Variants in SHANK2 observed in about 807,000 individuals in gnomAD.
SHANK2 encodes SH3 and multiple ankyrin repeat domains protein 2.
A neutral mutation model predicts 133.7 loss-of-function variants in SHANK2; 43 were observed. That is an observed-to-expected ratio of 0.32 (90% confidence interval 0.25 to 0.41). The LOEUF (loss-of-function observed/expected upper bound fraction) is 0.41, where lower values mean the gene tolerates loss of function less well. SHANK2 is among the 10% of genes least tolerant of loss of function. SHANK2 has a pLI of 1.00. For synonymous variants in SHANK2, 1,017 were observed against 952.8 expected (o/e 1.07, Z -1.24); for missense variants, 1,994 against 2,235.8 (o/e 0.89, Z 2.18).
intron 3 of SHANK2, among the ~76,000 whole-genome samples, chr11:71,139,342 T>C (rs1952507958): frequency 8.6e-6 from 1 of 116,100 alleles, no homozygotes; most frequent in Admixed American, 1.1e-4. Flanking sequence ...TGGCATTCAC[T>C]GTGGATTAAA....
intron 14 of SHANK2, among the ~76,000 whole-genome samples, chr11:70,708,939 G>A (rs1276293800): frequency 2.0e-5 from 3 of 152,306 alleles, no homozygotes; most frequent in Admixed American, 2.0e-4. Flanking sequence ...GGCAGGGCGT[G>A]GTGGCTCACA....
In SHANK2 at chr11:71,175,552, G is replaced by A. The variant is rs1953419032; in HGVS notation, c.-12-28214C>T. On this transcript the variant is annotated intron_variant, in intron 2 of 25. Transcript: ENST00000601538. This position sits in a 1 kb window ranked among gnomAD's most constrained non-coding sequence, Gnocchi z 4.2. ...AGACAGACAGAGGGAGAGGGAGAGGGAGAGAGAGAGAGAGAGAGAGAGAGA... is the reference window on the plus strand; with the variant it reads ...AGACAGACAGAGGGAGAGGGAGAGGAAGAGAGAGAGAGAGAGAGAGAGAGA... Among the ~76,000 whole-genome samples the A allele has an allele frequency of 4.1e-5, 1 of 24,522 alleles. No individual in the cohort carries two copies. Among genetic ancestry groups the A allele is most frequent in the Non-Finnish European group, 6.6e-5 (1 of 15,056 alleles). The allele number at this position is 24,522 out of a possible 152,430, so 16.1% of individuals were successfully genotyped here. A position where few individuals can be genotyped will look rare whatever the true frequency, so the allele number is the denominator to read the frequency against.
chr11:71,162,167 A>G (rs183931918), intron 2 of SHANK2, among the ~76,000 whole-genome samples: 1 of 152,344 alleles, frequency 6.6e-6, no homozygotes. Context: ...ACAAGATACC[A>G]TAGGCTGGGT....
chr11:70,687,410 AAGCTGGCTCTTAGG>A (rs1172005339), intron 15 of SHANK2, among the ~76,000 whole-genome samples: 2 of 152,202 alleles, frequency 1.3e-5, no homozygotes, highest in African/African-American at 4.8e-5. Context: ...GGATGAGCCG[AAGCTGGCTCTTAGG>A]AGCTGCCAGG....
intron 18 of SHANK2, 60 bp downstream of exon 18, chr11:70,502,736 C>CGGGGGG: frequency 2.2e-6 from 1 of 462,548 alleles, no homozygotes; most frequent in Non-Finnish European, 3.3e-6. Flanking sequence ...GTCCTGCCCG[C>CGGGGGG]CCCCACCCCC....
chr11:70,806,015 G>A (rs1555051740), intron 13 of SHANK2, among the ~76,000 whole-genome samples: 1 of 152,250 alleles, frequency 6.6e-6, no homozygotes, highest in Non-Finnish European at 1.5e-5. Context: ...GAATGTTGCA[G>A]TAACCCAGGT....
At chr11:70,476,234 A>C (rs2058661994) in intron 25 of SHANK2, among the ~76,000 whole-genome samples, 1 of 152,026 alleles carries the variant, frequency 6.6e-6, no homozygotes, top group Non-Finnish European at 1.5e-5. Flanking sequence ...TCTCAAAAAC[A>C]ACAACAACAA....
rs572067301 is a variant in SHANK2, at chr11:71,165,831, G to A, written c.-12-18493C>T. On this transcript the variant is annotated intron_variant, in intron 2 of 25. Coordinates refer to ENST00000601538, the MANE Select transcript of SHANK2 (RefSeq NM_012309.5). ...CATCCTCGGGCCTCCCTCCTGGAAC[G>A]CTTCCCGGCTGATCTCACAGTCCAG... Among the ~76,000 whole-genome samples, 13 of 152,232 alleles carry A rather than the reference G, an allele frequency of 8.5e-5. No homozygotes were observed. In the East Asian group the frequency reaches 1.9e-3, roughly 23 times the overall value.
At chr11:70,654,251 C>T (rs924161148) in intron 17 of SHANK2, 3 of 152,160 alleles carry the variant, frequency 2.0e-5, no homozygotes, top group African/African-American at 2.4e-5. Context: ...GGAATGGCCC[C>T]GGGAAATTAA....
intron 14 of SHANK2, among the ~76,000 whole-genome samples, chr11:70,729,560 T>C (rs1438465885): frequency 6.6e-6 from 1 of 150,740 alleles, no homozygotes; most frequent in Non-Finnish European, 1.5e-5. Flanking sequence ...AGTCTCACTC[T>C]GTTGCCCAGG....
chr11:70,745,642 G>A (rs371845719), intron 14 of SHANK2, among the ~76,000 whole-genome samples: 3 of 152,194 alleles, frequency 2.0e-5, no homozygotes, highest in East Asian at 3.9e-4. Flanking sequence ...CGTGGGTCTC[G>A]TGTAGAGTAA....
chr11:70,815,561 A>C (rs1948375590), intron 12 of SHANK2, among the ~76,000 whole-genome samples: 1 of 152,128 alleles, frequency 6.6e-6, no homozygotes, highest in African/African-American at 2.4e-5. Context: ...ACCAGCTCCC[A>C]GGCTGGGCCC....
At chr11:71,144,103 G>A (rs1168455036) in intron 3 of SHANK2, among the ~76,000 whole-genome samples, 1 of 152,330 alleles carries the variant, frequency 6.6e-6, no homozygotes, top group South Asian at 2.1e-4. Flanking sequence ...GAGAGACAGA[G>A]TGGCTCCGGG....
chr11:70,616,852 CGCT>C (rs1565182732), intron 17 of SHANK2, among the ~76,000 whole-genome samples: 1 of 152,136 alleles, frequency 6.6e-6, no homozygotes, highest in Non-Finnish European at 1.5e-5. Flanking sequence ...CGACAGGGGC[CGCT>C]GAGGAAGAGG....
chr11:70,629,583 T>G (rs1359793742), intron 17 of SHANK2, among the ~76,000 whole-genome samples: 2 of 152,000 alleles, frequency 1.3e-5, no homozygotes, highest in Admixed American at 6.6e-5. Flanking sequence ...CACTGGGGAC[T>G]CCAGCTCCCC....
At position 70,487,317 on chromosome 11, in the gene SHANK2, C is replaced by A. The variant is rs1342715605; in HGVS notation, c.2976G>T (p.Val992=). 7 of 1,614,088 alleles carry A rather than the reference C, an allele frequency of 4.3e-6. No homozygotes were observed. The African/African-American group carries it at 9.3e-5, about 22-fold the overall frequency. The change falls in exon 25 of 26, where the codon GTG becomes GTT. Residue 992 remains valine (V), a synonymous_variant. Coordinates refer to ENST00000601538, the MANE Select transcript of SHANK2 (RefSeq NM_012309.5). This position sits in a 1 kb window ranked among gnomAD's most constrained non-coding sequence, Gnocchi z 5.8. The part of the protein sequence containing the change: ...GQMPENPYSE[V]GKIASKAVYV... ...AGACGGCTTTGCTGGCGATCTTCCC[C>A]ACCTCTGAGTATGGGTTTTCTGGCA...
At position 70,487,063 on chromosome 11, in the gene SHANK2, G is replaced by A; in HGVS notation, c.3230C>T (p.Pro1077Leu). 6.2e-7 allele frequency: 1 copy of A among 1,609,344 alleles called. No homozygotes were observed. Reference sequence around the variant, plus strand: ...GGCTCCGGCGATGGCGGCGGCAAAGGGGCTGCTGACGGTCAGGCTTTCGTC... The same window carrying A: ...GGCTCCGGCGATGGCGGCGGCAAAGAGGCTGCTGACGGTCAGGCTTTCGTC... ...RPDESLTVSS[P>L]FAAAIAGAVR... is the part of the protein sequence containing the mutation. Residue 1077 changes from proline (P) to leucine (L), a missense_variant, in exon 25 of 26, where the codon CCC (proline) becomes CTC (leucine). Pro to Leu is a moderately conservative substitution (Grantham distance 98). Transcript: ENST00000601538. The surrounding 1 kb of genome is among the most constrained non-coding windows in gnomAD (Gnocchi z 5.8).
chr11:70,670,304 G>A (rs1206060708), intron 15 of SHANK2, among the ~76,000 whole-genome samples: 1 of 152,240 alleles, frequency 6.6e-6, no homozygotes, highest in Admixed American at 6.5e-5. Flanking sequence ...GAACGGTGAT[G>A]GCAGTGGATG....
chr11:70,533,158 C>T (rs544107787), intron 17 of SHANK2, among the ~76,000 whole-genome samples: 19 of 152,230 alleles, frequency 1.2e-4, no homozygotes, highest in Admixed American at 3.3e-4. Context: ...GTCCAGGAAC[C>T]GGAAGAAGGT....
Sources: gnomAD v4.1 joint callset for allele counts (sites outside exome capture counted in the v4.1 genomes callset) on GRCh38, gnomAD v4.1.1 for gene constraint, Gnocchi (gnomAD v3.1) non-coding constraint, MANE v1.5 for transcripts, NCBI Gene and HGNC (gene_info 2026-07-23, HGNC 2026-07-21) for gene names.